Variants in CPAMD8 observed in about 807,000 individuals in gnomAD.
CPAMD8 encodes the protein C3 and PZP-like alpha-2-macroglobulin domain-containing protein 8.
CPAMD8 carries 146 observed loss-of-function variants against 224.7 expected under a neutral mutation model. The ratio of observed to expected loss-of-function variants is 0.65; its 90% CI spans 0.57 to 0.75. The LOEUF (loss-of-function observed/expected upper bound fraction) is 0.75, where lower values mean the gene tolerates loss of function less well. Ranked by LOEUF, CPAMD8 falls within the 30% of genes least tolerant of loss-of-function variation. CPAMD8 has a pLI of 0.00. For missense variants in CPAMD8, 2,301 were observed against 2,537.5 expected (o/e 0.91, Z 2.00); for synonymous variants, 966 against 1,044.6 (o/e 0.92, Z 1.45).
intron 23 of CPAMD8, among the ~76,000 whole-genome samples, chr19:16,933,474 C>T (rs2053601590): frequency 6.6e-6 from 1 of 151,906 alleles, no homozygotes; most frequent in Non-Finnish European, 1.5e-5. Flanking sequence ...ATTTTCAAAT[C>T]TCAAAATGCA....
intron 7 of CPAMD8, 102 bp from the exon 8 acceptor site, chr19:17,004,488 G>GC: frequency 2.8e-6 from 2 of 720,858 alleles, no homozygotes; most frequent in Non-Finnish European, 2.4e-6. Context: ...TCCCTGAGCA[G>GC]CCCCCCAGGA....
intron 26 of CPAMD8, among the ~76,000 whole-genome samples, chr19:16,924,259 G>C (rs542090809): frequency 2.7e-4 from 41 of 151,918 alleles, no homozygotes; most frequent in African/African-American, 9.6e-4. Context: ...AAGTGGGTTT[G>C]GGGGGAAGAT....
rs528723723 is a variant in CPAMD8 at position 17,012,774 on chromosome 19, C to A, written c.268-1017G>T. On this transcript the variant is annotated intron_variant, in intron 3 of 41. Coordinates refer to ENST00000443236, the MANE Select transcript of CPAMD8 (RefSeq NM_015692.5). ...TTACAAGAACTGTCTCCCTTCTTGC[C>A]AAGTGAATTCACAGCCTGTGAGCGG... Among the ~76,000 whole-genome samples the A allele has an allele frequency of 1.5e-3, 221 of 152,292 alleles. 1 individual carries two copies. The highest frequency in any genetic ancestry group is 5.1e-3 in the African/African-American group (214 of 41,574).
chr19:16,925,278 G>T lies in CPAMD8; in HGVS notation c.3465C>A (p.Asn1155Lys), dbSNP rs186080640. 4 of 1,614,226 alleles carry T rather than the reference G, an allele frequency of 2.5e-6. No homozygotes were observed. In the African/African-American group the frequency reaches 4.0e-5, roughly 16 times the overall value. ...GEQNMIHFAPNVFVLKYLQKT... is the reference protein window; with the variant it reads ...GEQNMIHFAPKVFVLKYLQKT... ...TCTGAAGATACTTCAAGACAAAGAC[G>T]TTGGGTGCAAAGTGGATCATGTTCT... is the stretch of plus-strand genomic sequence containing the variant. Residue 1155 changes from asparagine to lysine, a missense_variant, in exon 26 of 42, where the codon AAC becomes AAA. Asn to Lys is a moderately conservative substitution (Grantham distance 94, BLOSUM62 0). Coordinates refer to ENST00000443236, the MANE Select transcript of CPAMD8 (RefSeq NM_015692.5).
chr19:17,018,312 T>C (rs2056864279), intron 3 of CPAMD8, among the ~76,000 whole-genome samples: 1 of 152,130 alleles, frequency 6.6e-6, no homozygotes, highest in African/African-American at 2.4e-5. Flanking sequence ...TGTCATAAAA[T>C]TATTTACATA....
chr19:16,948,775 CGGGAAAGGAGGGGAAGGGA>C (rs1400536994), intron 20 of CPAMD8, among the ~76,000 whole-genome samples: 9 of 111,304 alleles, frequency 8.1e-5, no homozygotes, highest in Middle Eastern at 4.5e-3. Context: ...GGAGAAAAGA[CGGGAAAGGAGGGGAAGGGA>C]GGGGAAGAGA....
At chr19:16,946,718 T>C (rs1032585492) in intron 21 of CPAMD8, among the ~76,000 whole-genome samples, 3 of 149,450 alleles carry the variant, frequency 2.0e-5, no homozygotes, top group African/African-American at 7.4e-5. Context: ...GTGGTGTGTG[T>C]ATGCATGTCT....
intron 18 of CPAMD8, among the ~76,000 whole-genome samples, chr19:16,967,680 G>GCA (rs1326425239): frequency 1.3e-5 from 2 of 151,436 alleles, no homozygotes. Context: ...ATGGTGGTGG[G>GCA]TGCCTGTAGT....
At chr19:16,946,145 T>A (rs1414746450) in intron 21 of CPAMD8, among the ~76,000 whole-genome samples, 4 of 150,426 alleles carry the variant, frequency 2.7e-5, no homozygotes, top group African/African-American at 9.9e-5. Flanking sequence ...GCAATGCATA[T>A]CTGCACATGT....
chr19:16,930,881 C>T (rs1054989796), intron 23 of CPAMD8, among the ~76,000 whole-genome samples: 1 of 152,174 alleles, frequency 6.6e-6, no homozygotes. Context: ...TCTGGAGCCC[C>T]ACTTACATTC....
chr19:17,013,042 G>A (rs572229219), intron 3 of CPAMD8, among the ~76,000 whole-genome samples: 1 of 152,016 alleles, frequency 6.6e-6, no homozygotes, highest in African/African-American at 2.4e-5. Context: ...TTAGCCAGCT[G>A]TGGTGGTGGG....
Position 16,896,510 on chromosome 19 carries a change from C to A in CPAMD8, c.5221G>T (p.Ala1741Ser), listed in dbSNP as rs1599641354. The change falls in exon 40 of 42, where the codon GCC becomes TCC. Residue 1741 changes from alanine (A) to serine (S), a missense_variant. Coordinates refer to ENST00000443236, the MANE Select transcript of CPAMD8 (RefSeq NM_015692.5). Reference protein sequence around the residue: ...YASACRLREAACRQAAPLEPA... With the variant: ...YASACRLREASCRQAAPLEPA... ...TCCAGGGGCGCGGCCTGGCGGCAGG[C>A]GGCCTCCCGCAGGCGGCAGGCGCTG... is the stretch of plus-strand genomic sequence containing the variant. The A allele has an allele frequency of 7.0e-7, 1 of 1,427,676 alleles. No homozygotes were observed. Among genetic ancestry groups the A allele is most frequent in the Non-Finnish European group, 9.1e-7 (1 of 1,102,288 alleles). The allele number at this position is 1,427,676 out of a possible 1,614,324, so 88.4% of individuals were successfully genotyped here. A position where few individuals can be genotyped will look rare whatever the true frequency, so the allele number is the denominator to read the frequency against.
At chr19:17,004,862 C>A (rs1048382076) in intron 7 of CPAMD8, among the ~76,000 whole-genome samples, 1 of 151,672 alleles carries the variant, frequency 6.6e-6, no homozygotes, top group African/African-American at 2.4e-5. Flanking sequence ...CAATGCCCCC[C>A]ACAATATAAC....
At position 16,901,254 on chromosome 19, in the gene CPAMD8, G is replaced by T. The variant is rs772336436; in HGVS notation, c.4729C>A (p.Pro1577Thr). 5.0e-5 allele frequency: 80 copies of T among 1,612,552 alleles called. No individual in the cohort carries two copies. The highest frequency in any genetic ancestry group is 6.6e-5 in the Non-Finnish European group (78 of 1,179,572). ...TCTGCCCGGAAGCCTGACAGCAGGG[G>T]CACCTCCAGGACAGCCATATTGGAA... ...GSSNMAVLEV[P>T]LLSGFRADIE... The change falls in exon 36 of 42, where the codon CCC becomes ACC. Residue 1577 changes from proline to threonine, a missense_variant. Pro to Thr is a conservative substitution (Grantham distance 38, BLOSUM62 -1). Around this residue, in one of 4 missense-constraint regions of CPAMD8, gnomAD observed 1,709 missense variants for 1,753.2 expected, o/e 0.97. Transcript: ENST00000443236.
chr19:16,905,792 G>A (rs2052454202), intron 30 of CPAMD8, among the ~76,000 whole-genome samples: 1 of 152,146 alleles, frequency 6.6e-6, no homozygotes, highest in Non-Finnish European at 1.5e-5. Context: ...AGCTGCTGGG[G>A]GTAGGGGTGG....
chr19:16,990,617 C>A (rs1200708419), intron 12 of CPAMD8, among the ~76,000 whole-genome samples: 17 of 151,944 alleles, frequency 1.1e-4, no homozygotes, highest in Admixed American at 1.1e-3. Context: ...GTAATCCCAC[C>A]ACTTTGGGAG....
rs1292015082 is a variant in CPAMD8 at position 16,896,519 on chromosome 19, G to A, written c.5212C>T (p.Arg1738Trp). ...GCGGCCTGGCGGCAGGCGGCCTCCCGCAGGCGGCAGGCGCTGGCGTAGACC... is the reference window on the plus strand; with the variant it reads ...GCGGCCTGGCGGCAGGCGGCCTCCCACAGGCGGCAGGCGCTGGCGTAGACC... ...GVVYASACRL[R>W]EAACRQAAPL... The change falls in exon 40 of 42, where the codon CGG (arginine) becomes TGG (tryptophan). Residue 1738 changes from arginine (R) to tryptophan (W), a missense_variant. Arg to Trp is a moderately radical substitution (Grantham distance 101). This residue lies in a region of CPAMD8 where 1,709 missense variants were observed against 1,753.2 expected (regional missense o/e 0.97). Transcript: ENST00000443236. The A allele has an allele frequency of 3.5e-6, 5 of 1,435,812 alleles. No individual in the cohort carries two copies. Among genetic ancestry groups the A allele is most frequent in the Admixed American group, 5.9e-5 (2 of 33,666 alleles). The allele number at this position is 1,435,812 out of a possible 1,614,324, so 88.9% of individuals were successfully genotyped here.
At chr19:17,006,148 G>A in intron 7 of CPAMD8, among the ~76,000 whole-genome samples, 1 of 152,034 alleles carries the variant, frequency 6.6e-6, no homozygotes, top group South Asian at 2.1e-4. Flanking sequence ...TTTTAGTAGA[G>A]ACAGGGTTTC....
chr19:16,897,695 G>T lies in CPAMD8; in HGVS notation c.5061C>A (p.Gly1687=). Reference sequence around the variant, plus strand: ...GCAGTGGCTCCGCGCACTCACCCGGGCCCCGGGCAGGGGCGCGCTCCACTT... The same window carrying T: ...GCAGTGGCTCCGCGCACTCACCCGGTCCCCGGGCAGGGGCGCGCTCCACTT... ...CNEVERAPAR[G]PGWFPGESGP... The change falls in exon 39 of 42, where the codon GGC becomes GGA. Residue 1687 remains glycine (G), a synonymous_variant. Transcript: ENST00000443236. The T allele has an allele frequency of 6.6e-7, 1 of 1,521,934 alleles. No homozygotes were observed. The highest frequency in any genetic ancestry group is 8.9e-7 in the Non-Finnish European group (1 of 1,129,316). 94.3% of individuals were successfully genotyped at this position (1,521,934 alleles called of 1,614,324 possible). A position where few individuals can be genotyped will look rare whatever the true frequency, so the allele number is the denominator to read the frequency against.
Sources: gnomAD v4.1 joint callset for allele counts (sites outside exome capture counted in the v4.1 genomes callset) on GRCh38, gnomAD v4.1.1 for gene constraint, gnomAD v4.1.1 regional missense constraint, MANE v1.5 for transcripts, NCBI Gene and HGNC (gene_info 2026-07-23, HGNC 2026-07-21) for gene names.